Variants in RGS6 observed in about 807,000 individuals in gnomAD.
The protein encoded by RGS6 is regulator of G-protein signaling 6.
RGS6 carries 30 observed loss-of-function variants against 78.5 expected under a neutral mutation model. That is an observed-to-expected ratio of 0.38 (90% CI 0.29 to 0.52). The LOEUF is 0.52. RGS6 is among the 20% of genes least tolerant of loss of function. The pLI, the probability that RGS6 is intolerant of heterozygous loss-of-function variation, is 0.85. For missense variants in RGS6, 495 were observed against 609.7 expected, an observed-to-expected ratio of 0.81 and a Z score of 1.98; for synonymous variants, 206 against 206.0, an observed-to-expected ratio of 1.00 and a Z score of 0.00.
At chr14:71,907,154 C>T in the RGS6 span, among the ~76,000 whole-genome samples, 4 of 152,162 alleles carry the variant, frequency 2.6e-5, no homozygotes, top group Non-Finnish European at 5.9e-5. Context: ...GGTTCCTGCC[C>T]TCATGAGGCT....
chr14:72,149,060 A>G (rs558448715), intron 2 of RGS6, among the ~76,000 whole-genome samples: 2 of 152,176 alleles, frequency 1.3e-5, no homozygotes, highest in African/African-American at 4.8e-5. Flanking sequence ...TGGAATCATA[A>G]GACAGCTTGC....
In RGS6 at chr14:72,386,576, C is replaced by T. The variant is rs1277979383; in HGVS notation, c.184+34382C>T. Among the ~76,000 whole-genome samples the T allele has an allele frequency of 2.0e-5, 3 of 151,978 alleles. No homozygotes were observed. In the South Asian group the frequency reaches 6.2e-4, roughly 32 times the overall value. ...TAGTATTTGGAGGATTTTCCCAGAG[C>T]ATTTGGGAAGCATTTGTACACAAAT... On this transcript the variant is annotated intron_variant, in intron 3 of 17. Transcript: ENST00000553525.
At chr14:72,183,122 GC>G (rs1394197358) in intron 2 of RGS6, among the ~76,000 whole-genome samples, 2 of 152,148 alleles carry the variant, frequency 1.3e-5, no homozygotes, top group Non-Finnish European at 2.9e-5. Context: ...AGGTTTAAAA[GC>G]CCTTTTTTGT....
the RGS6 span, among the ~76,000 whole-genome samples, chr14:72,581,112 C>A: frequency 6.6e-6 from 1 of 152,158 alleles, no homozygotes; most frequent in Admixed American, 6.5e-5. Flanking sequence ...CTAGGGGCAG[C>A]CTCTTGAGGA....
chr14:72,167,129 A>G (rs1227432570), intron 2 of RGS6, among the ~76,000 whole-genome samples: 1 of 152,130 alleles, frequency 6.6e-6, no homozygotes, highest in African/African-American at 2.4e-5. Flanking sequence ...ATTAGGTCCT[A>G]TCTGAAAGCT....
chr14:72,397,084 A>G (rs1465928626), intron 3 of RGS6, among the ~76,000 whole-genome samples: 2 of 152,194 alleles, frequency 1.3e-5, no homozygotes, highest in Non-Finnish European at 2.9e-5. Context: ...TCTGTGAAGA[A>G]AGTCATTGGT....
intron 2 of RGS6, among the ~76,000 whole-genome samples, chr14:72,227,976 A>G (rs1377909248): frequency 1.3e-5 from 2 of 152,208 alleles, no homozygotes; most frequent in Non-Finnish European, 1.5e-5. Flanking sequence ...GTACCAGGAG[A>G]TCTTAACAGT....
the RGS6 span, among the ~76,000 whole-genome samples, chr14:71,923,761 T>C: frequency 6.6e-6 from 1 of 151,430 alleles, no homozygotes; most frequent in Non-Finnish European, 1.5e-5. Context: ...AGAAAACAGA[T>C]CAGTAGTCAC....
chr14:72,450,910 A>G (rs555839838), intron 3 of RGS6, among the ~76,000 whole-genome samples: 1 of 152,304 alleles, frequency 6.6e-6, no homozygotes, highest in Non-Finnish European at 1.5e-5. Flanking sequence ...GTTTTAAAGG[A>G]CGCGATATTA....
At chr14:72,047,897 T>TG (rs1491103931) in intron 2 of RGS6, among the ~76,000 whole-genome samples, 1 of 39,666 alleles carries the variant, frequency 2.5e-5, no homozygotes, top group Non-Finnish European at 4.3e-5. Flanking sequence ...AGCTAATTTT[T>TG]GTTTTTTTTT....
At chr14:72,399,257 G>C (rs2091991943) in intron 3 of RGS6, among the ~76,000 whole-genome samples, 1 of 152,056 alleles carries the variant, frequency 6.6e-6, no homozygotes, top group African/African-American at 2.4e-5. Context: ...AGTTCTTCTT[G>C]TTGTATTGAT....
chr14:72,150,987 G>A (rs1401717495), intron 2 of RGS6, among the ~76,000 whole-genome samples: 7 of 152,198 alleles, frequency 4.6e-5, no homozygotes, highest in African/African-American at 1.7e-4. Flanking sequence ...TCAGAGAGTA[G>A]AGCATATTTT....
chr14:72,381,974 G>A lies in RGS6; in HGVS notation c.184+29780G>A, dbSNP rs1179182771. On this transcript the variant is annotated intron_variant, in intron 3 of 17. Transcript: ENST00000553525. ...ACACTCACTGGGGCAAAAAAACAGTGTCTTAAAATAAATGTTGCTGGGAAA... is the reference window on the plus strand; with the variant it reads ...ACACTCACTGGGGCAAAAAAACAGTATCTTAAAATAAATGTTGCTGGGAAA... Among the ~76,000 whole-genome samples, 4 of 152,074 alleles carry A rather than the reference G, an allele frequency of 2.6e-5. No homozygotes were observed. In the East Asian group the frequency reaches 7.7e-4, roughly 29 times the overall value.
intron 2 of RGS6, among the ~76,000 whole-genome samples, chr14:72,321,516 A>T (rs114245389): frequency 0.017 from 2,537 of 152,186 alleles, 81 homozygotes; most frequent in African/African-American, 0.057. Context: ...GCAAAGGAAT[A>T]TTATCAAATG....
chr14:72,463,878 C>A (rs1597880442), intron 6 of RGS6, among the ~76,000 whole-genome samples: 1 of 152,180 alleles, frequency 6.6e-6, no homozygotes, highest in East Asian at 1.9e-4. Context: ...AGCACTATAG[C>A]TGCTTGGTTC....
chr14:72,260,853 G>A (rs554440306), intron 2 of RGS6, among the ~76,000 whole-genome samples: 18 of 152,332 alleles, frequency 1.2e-4, no homozygotes, highest in African/African-American at 4.1e-4. Flanking sequence ...AGAAAAAGAT[G>A]TTCAGTGGTT....
At chr14:72,434,310 C>G (rs1231785115) in intron 3 of RGS6, among the ~76,000 whole-genome samples, 1 of 152,190 alleles carries the variant, frequency 6.6e-6, no homozygotes, top group Non-Finnish European at 1.5e-5. Flanking sequence ...GCACTACAGC[C>G]TGGGTGACAG....
At chr14:72,427,853 G>C (rs771083946) in intron 3 of RGS6, among the ~76,000 whole-genome samples, 1 of 152,160 alleles carries the variant, frequency 6.6e-6, no homozygotes, top group Admixed American at 6.5e-5. Context: ...GTAGTAGAGA[G>C]GACTCTAGTG....
intron 13 of RGS6, among the ~76,000 whole-genome samples, chr14:72,500,604 A>C (rs543414548): frequency 3.3e-5 from 5 of 152,362 alleles, no homozygotes; most frequent in Admixed American, 3.3e-4. Flanking sequence ...CTATCTTACC[A>C]TCTGGCACCA....
Sources: gnomAD v4.1 joint callset for allele counts (sites outside exome capture counted in the v4.1 genomes callset) on GRCh38, gnomAD v4.1.1 for gene constraint, MANE v1.5 for transcripts, NCBI Gene and HGNC (gene_info 2026-07-23, HGNC 2026-07-21) for gene names.